The following COA1 variants were observed in gnomAD, a reference collection of about 807,000 sequenced individuals.
COA1 encodes cytochrome c oxidase assembly factor 1, also known as cytochrome c oxidase assembly factor 1 homolog.
In COA1, 13 loss-of-function variants were observed where a neutral mutation model predicts 16.0. That is an observed-to-expected ratio of 0.81 (90% CI 0.53 to 1.29). The LOEUF (loss-of-function observed/expected upper bound fraction) is 1.29. COA1 is among the 50% of genes most tolerant of loss of function. The pLI is 0.00. For synonymous variants in COA1, 65 were observed against 65.7 expected (o/e 0.99, Z 0.05); for missense variants, 179 against 177.0 (o/e 1.01, Z -0.06).
At chr7:43,671,722 A>C (rs1443500714) in intron 1 of COA1, among the ~76,000 whole-genome samples, 2 of 152,182 alleles carry the variant, frequency 1.3e-5, no homozygotes. Flanking sequence ...ACTGTAATAC[A>C]CATGTGTCAA....
chr7:43,686,560 C>T (rs2094043686), intron 1 of COA1, among the ~76,000 whole-genome samples: 1 of 152,132 alleles, frequency 6.6e-6, no homozygotes, highest in Admixed American at 6.5e-5. Flanking sequence ...TCCCAAAGTG[C>T]TGGGATTACA....
intron 4 of COA1, among the ~76,000 whole-genome samples, chr7:43,644,834 A>AGT (rs57561752): frequency 2.0e-5 from 3 of 150,398 alleles, no homozygotes; most frequent in African/African-American, 7.4e-5. Context: ...AGAGAGAGAG[A>AGT]CAGGGTCTTG....
chr7:43,708,231 G>A (rs775850779), intron 1 of COA1, among the ~76,000 whole-genome samples: 30 of 152,144 alleles, frequency 2.0e-4, no homozygotes, highest in African/African-American at 4.6e-4. Context: ...ACTTTGGAAC[G>A]CTGAGGCGGA....
At chr7:43,644,799 C>CAGAGAGAGAGAGAGAGAGAGAGAGAG (rs10627279) in intron 4 of COA1, among the ~76,000 whole-genome samples, 9 of 75,386 alleles carry the variant, frequency 1.2e-4, no homozygotes, top group African/African-American at 3.4e-4. Flanking sequence ...GGCAGAGAGA[C>CAGAGAGAGAGAGAGAGAGAGAGAGAG]AGAGAGAGAG....
At chr7:43,635,653 G>A (rs2085743494), downstream of COA1, among the ~76,000 whole-genome samples, 1 of 151,788 alleles carries the variant, frequency 6.6e-6, no homozygotes, top group Non-Finnish European at 1.5e-5. Context: ...GCACTGAGAG[G>A]GAGAAGCACC....
Position 43,644,799 on chromosome 7 carries a change from CAGAGAGAGAGAG to C in COA1, c.264+440_264+451del, listed in dbSNP as rs10627279. Among the ~76,000 whole-genome samples the C allele has an allele frequency of 3.1e-4, 23 of 75,356 alleles. 2 individuals carry two copies. Among genetic ancestry groups the C allele is most frequent in the Non-Finnish European group, 4.2e-4 (16 of 37,998 alleles). 49.4% of individuals were successfully genotyped at this position (75,356 alleles called of 152,430 possible). A position where few individuals can be genotyped will look rare whatever the true frequency, so the allele number is the denominator to read the frequency against. ...GCAGGCAGGCAGGCAGGCAGAGAGA[CAGAGAGAGAGAG>C]AGAGAGAGAGAGAGAGAGAGAGACA... On this transcript the variant is annotated intron_variant, in intron 4 of 5. Coordinates refer to ENST00000223336, the MANE Select transcript of COA1 (RefSeq NM_018224.4).
At chr7:43,676,289 T>C (rs1563335506) in intron 1 of COA1, among the ~76,000 whole-genome samples, 1 of 151,686 alleles carries the variant, frequency 6.6e-6, no homozygotes, top group Non-Finnish European at 1.5e-5. Context: ...TTACAAACAA[T>C]AAAAAGAAAT....
chr7:43,689,335 G>A (rs1318715856), intron 1 of COA1, among the ~76,000 whole-genome samples: 4 of 152,172 alleles, frequency 2.6e-5, no homozygotes, highest in Admixed American at 6.5e-5. Context: ...TTAAGGCAAG[G>A]CAGAGACTGA....
intron 1 of COA1, among the ~76,000 whole-genome samples, chr7:43,711,631 A>G (rs749811808): frequency 3.4e-4 from 51 of 152,234 alleles, no homozygotes; most frequent in Non-Finnish European, 1.2e-4. Flanking sequence ...TTGTGTGAAC[A>G]TCATAGCGTG....
chr7:43,652,377 AT>A (rs1349300619), intron 1 of COA1, among the ~76,000 whole-genome samples: 1 of 152,156 alleles, frequency 6.6e-6, no homozygotes, highest in Non-Finnish European at 1.5e-5. Flanking sequence ...ACCATGCAAG[AT>A]GTTTGATATG....
intron 6 of COA1, among the ~76,000 whole-genome samples, chr7:43,615,548 G>T (rs967710992): frequency 3.3e-5 from 5 of 152,164 alleles, no homozygotes; most frequent in Admixed American, 6.5e-5. Context: ...AGGACTCATA[G>T]TCATGATGGT....
rs1044039 is a variant in COA1, at chr7:43,639,398, T to C, written c.*184A>G. On this transcript the variant is annotated 3_prime_UTR_variant, in exon 6 of 6. Coordinates refer to ENST00000223336, the MANE Select transcript of COA1 (RefSeq NM_018224.4). Reference sequence around the variant, plus strand: ...CAGTTTAAAAATGACAAATAGCATTTGTTGTGCCCAAGTTAGAATTACACC... The same window carrying C: ...CAGTTTAAAAATGACAAATAGCATTCGTTGTGCCCAAGTTAGAATTACACC... 0.8 allele frequency: 377,882 copies of C among 475,306 alleles called. 151,266 individuals are homozygous for C. The highest frequency in any genetic ancestry group is 0.94 in the African/African-American group (47,801 of 51,094). The allele number at this position is 475,306 out of a possible 1,614,324, so 29.4% of individuals were successfully genotyped here.
intron 1 of COA1, among the ~76,000 whole-genome samples, chr7:43,681,853 C>T (rs996610764): frequency 1.3e-5 from 2 of 152,102 alleles, no homozygotes; most frequent in African/African-American, 2.4e-5. Flanking sequence ...ACCTGAAAAC[C>T]CAAAAGCACA....
intron 6 of COA1, chr7:43,623,821 G>T: frequency 6.2e-7 from 1 of 1,602,778 alleles, no homozygotes; most frequent in South Asian, 1.1e-5. Flanking sequence ...TTATTCTGAG[G>T]AAGAATTTGA....
intron 1 of COA1, among the ~76,000 whole-genome samples, chr7:43,660,354 C>T (rs1195344832): frequency 1.3e-5 from 2 of 152,100 alleles, no homozygotes; most frequent in Non-Finnish European, 2.9e-5. Flanking sequence ...ACCAGGTCTC[C>T]CCTTCCTGCA....
chr7:43,657,509 C>A (rs1242616412), intron 1 of COA1, among the ~76,000 whole-genome samples: 1 of 151,958 alleles, frequency 6.6e-6, no homozygotes, highest in East Asian at 1.9e-4. Flanking sequence ...CAGTTGTTAC[C>A]CATTCATTCA....
chr7:43,709,106 C>T (rs2095114227), intron 1 of COA1, among the ~76,000 whole-genome samples: 1 of 151,562 alleles, frequency 6.6e-6, no homozygotes, highest in Admixed American at 6.6e-5. Flanking sequence ...TCAGTGCAAG[C>T]TCCGCCTCCC....
rs556494321 is a variant in COA1 at position 43,642,555 on chromosome 7, G to A, written c.265-1906C>T. 4.5e-4 allele frequency among the ~76,000 whole-genome samples: 69 copies of A among 152,268 alleles called. 1 individual carries two copies. The highest frequency in any genetic ancestry group is 1.6e-3 in the African/African-American group (66 of 41,554). ...AATTAAGCAACAGAGTATACACTGAGCATCTCTGGATGCTTTAAAAAAAAA... is the reference window on the plus strand; with the variant it reads ...AATTAAGCAACAGAGTATACACTGAACATCTCTGGATGCTTTAAAAAAAAA... On this transcript the variant is annotated intron_variant, in intron 4 of 5. Coordinates refer to ENST00000223336, the MANE Select transcript of COA1 (RefSeq NM_018224.4).
chr7:43,698,461 T>C (rs772454443), intron 1 of COA1, among the ~76,000 whole-genome samples: 26 of 152,198 alleles, frequency 1.7e-4, no homozygotes, highest in Non-Finnish European at 3.5e-4. Context: ...TTGTTGTAAT[T>C]CAAGGTTTCC....
Sources: gnomAD v4.1 joint callset for allele counts (sites outside exome capture counted in the v4.1 genomes callset) on GRCh38, gnomAD v4.1.1 for gene constraint, MANE v1.5 for transcripts, NCBI Gene and HGNC (gene_info 2026-07-23, HGNC 2026-07-21) for gene names.